CCNY: variants seen among roughly 807,000 people sequenced by gnomAD.
CCNY encodes cyclin-Y.
Under a neutral mutation model 42.8 loss-of-function variants are expected in CCNY, and 19 were observed. That is an observed-to-expected ratio of 0.44 (90% CI 0.31 to 0.65). The LOEUF (loss-of-function observed/expected upper bound fraction) is 0.65, where lower values mean the gene tolerates loss of function less well. Ranked by LOEUF, CCNY falls within the 30% of genes least tolerant of loss-of-function variation. The pLI is 0.07. For missense variants in CCNY, 370 were observed against 437.3 expected, an observed-to-expected ratio of 0.85 and a Z score of 1.37; for synonymous variants, 165 against 162.7, an observed-to-expected ratio of 1.01 and a Z score of -0.11.
chr10:35,454,556 A>G (rs1365872089), intron 1 of CCNY, among the ~76,000 whole-genome samples: 1 of 152,224 alleles, frequency 6.6e-6, no homozygotes, highest in African/African-American at 2.4e-5. Context: ...AGCATCTTCC[A>G]TAGCTCCCAG....
chr10:35,505,163 C>G (rs545974641), intron 3 of CCNY, among the ~76,000 whole-genome samples: 1 of 149,428 alleles, frequency 6.7e-6, no homozygotes, highest in Non-Finnish European at 1.5e-5. Context: ...AAAAAAAAAT[C>G]ACTCCTGAAA....
intron 3 of CCNY, among the ~76,000 whole-genome samples, chr10:35,279,622 C>T (rs1835277186): frequency 6.6e-6 from 1 of 152,162 alleles, no homozygotes; most frequent in Non-Finnish European, 1.5e-5. Flanking sequence ...CTGAGGAAGG[C>T]CTCATTCAGA....
Position 35,566,157 on chromosome 10 carries a change from T to G in CCNY, c.881T>G (p.Leu294Arg). 6.2e-7 allele frequency: 1 copy of G among 1,614,190 alleles called. No individual in the cohort carries two copies. The highest frequency in any genetic ancestry group is 8.5e-7 in the Non-Finnish European group (1 of 1,180,018). ...AACCTGAGCTTTCCCTTGGAGCCCC[T>G]GAGCAGGGAGAGGGCTCACAAGCTT... ...ANNLSFPLEPLSRERAHKLEA... is the reference protein window; with the variant it reads ...ANNLSFPLEPRSRERAHKLEA... The change falls in exon 9 of 10, where the codon CTG becomes CGG. Residue 294 changes from leucine to arginine, a missense_variant. Coordinates refer to ENST00000374704, the MANE Select transcript of CCNY (RefSeq NM_145012.6).
intron 2 of CCNY, among the ~76,000 whole-genome samples, chr10:35,487,641 C>G (rs1328823579): frequency 6.6e-6 from 1 of 151,938 alleles, no homozygotes; most frequent in Non-Finnish European, 1.5e-5. Flanking sequence ...TTTCTTGTTC[C>G]AAGCAGGAGA....
At chr10:35,384,527 T>C (rs1837261286) in intron 1 of CCNY, among the ~76,000 whole-genome samples, 1 of 152,212 alleles carries the variant, frequency 6.6e-6, no homozygotes, top group Non-Finnish European at 1.5e-5. Context: ...TGACTTAGCT[T>C]TCAGCTTAAT....
intron 1 of CCNY, among the ~76,000 whole-genome samples, chr10:35,478,300 T>C (rs1244844228): frequency 2.0e-5 from 3 of 151,544 alleles, no homozygotes; most frequent in Non-Finnish European, 2.9e-5. Context: ...TTAAAGTTCA[T>C]ATGGAACCAA....
At chr10:35,495,649 G>T (rs1015734289) in intron 2 of CCNY, among the ~76,000 whole-genome samples, 6 of 152,230 alleles carry the variant, frequency 3.9e-5, no homozygotes, top group African/African-American at 1.4e-4. Context: ...ACAGTTCAGA[G>T]CAGGCCAGAG....
intron 1 of CCNY, among the ~76,000 whole-genome samples, chr10:35,430,164 C>T (rs1224829982): frequency 1.3e-5 from 2 of 151,046 alleles, no homozygotes; most frequent in South Asian, 2.1e-4. Context: ...GGTGAAACCC[C>T]GTCTCTACTA....
At chr10:35,451,155 A>G (rs1054902108) in intron 1 of CCNY, among the ~76,000 whole-genome samples, 5 of 152,238 alleles carry the variant, frequency 3.3e-5, no homozygotes, top group African/African-American at 1.2e-4. Flanking sequence ...AACTACTGAT[A>G]AGTACTTCAA....
intron 3 of CCNY, among the ~76,000 whole-genome samples, chr10:35,253,924 G>A (rs1214523449): frequency 6.8e-6 from 1 of 147,306 alleles, no homozygotes; most frequent in Non-Finnish European, 1.5e-5. Context: ...CGCCCAGGCT[G>A]GAGTGTAGTG....
chr10:35,400,476 T>G (rs184571807), intron 1 of CCNY, among the ~76,000 whole-genome samples: 69 of 152,312 alleles, frequency 4.5e-4, no homozygotes, highest in African/African-American at 1.5e-3. Flanking sequence ...TTGATTGGAT[T>G]ACCCGAAGTA....
chr10:35,331,246 A>G (rs1835940282), intron 3 of CCNY, among the ~76,000 whole-genome samples: 1 of 152,294 alleles, frequency 6.6e-6, no homozygotes, highest in Middle Eastern at 3.4e-3. Flanking sequence ...CTCACTTCCA[A>G]CTTATGCCTG....
chr10:35,353,148 AAC>A (rs1382128757), intron 1 of CCNY, among the ~76,000 whole-genome samples: 3 of 152,212 alleles, frequency 2.0e-5, no homozygotes, highest in Non-Finnish European at 4.4e-5. Context: ...GCTGGTCTGG[AAC>A]TCCTGGGCTC....
chr10:35,395,364 A>G (rs1032805690), intron 1 of CCNY, among the ~76,000 whole-genome samples: 6 of 152,216 alleles, frequency 3.9e-5, no homozygotes, highest in South Asian at 2.1e-4. Context: ...ACCAGGCTCA[A>G]TGGCAAGTGC....
upstream of CCNY, among the ~76,000 whole-genome samples, chr10:35,335,177 T>C (rs942199101): frequency 2.1e-5 from 3 of 144,404 alleles, no homozygotes; most frequent in East Asian, 6.2e-4. Context: ...GCAAGAAAAG[T>C]CAGGGATGGC....
At chr10:35,370,007 C>G (rs1240358683) in intron 1 of CCNY, among the ~76,000 whole-genome samples, 1 of 152,122 alleles carries the variant, frequency 6.6e-6, no homozygotes, top group Non-Finnish European at 1.5e-5. Flanking sequence ...TTTTAGTAAG[C>G]CTTAAAGTTT....
intron 1 of CCNY, among the ~76,000 whole-genome samples, chr10:35,374,718 G>T (rs1274494517): frequency 6.6e-6 from 1 of 152,090 alleles, no homozygotes; most frequent in Non-Finnish European, 1.5e-5. Flanking sequence ...GAATCATTTT[G>T]TATTTATAGC....
At chr10:35,560,858 C>T (rs1007011437) in intron 8 of CCNY, among the ~76,000 whole-genome samples, 2 of 152,200 alleles carry the variant, frequency 1.3e-5, no homozygotes, top group Non-Finnish European at 2.9e-5. Flanking sequence ...AATTGGACAT[C>T]ACTCAGCTGA....
intron 1 of CCNY, among the ~76,000 whole-genome samples, chr10:35,372,763 G>A (rs1322011945): frequency 5.3e-5 from 8 of 152,176 alleles, no homozygotes; most frequent in Non-Finnish European, 1.2e-4. Context: ...ACAATGGCGC[G>A]ATCTCAGCTC....
Sources: gnomAD v4.1 joint callset for allele counts (sites outside exome capture counted in the v4.1 genomes callset) on GRCh38, gnomAD v4.1.1 for gene constraint, MANE v1.5 for transcripts, NCBI Gene and HGNC (gene_info 2026-07-23, HGNC 2026-07-21) for gene names.